Variants in RARB observed in about 807,000 individuals in gnomAD.
The protein encoded by RARB is HBV-activated protein.
RARB carries 17 observed loss-of-function variants against 51.9 expected under a neutral mutation model. The observed-to-expected ratio is 0.33, with a 90% CI of 0.22 to 0.49. RARB has a LOEUF of 0.49. Ranked by LOEUF, RARB falls within the 20% of genes least tolerant of loss-of-function variation. The probability of loss-of-function intolerance (pLI) is 0.99; values close to 1 mark genes in which losing one functional copy is unlikely to be tolerated. For synonymous variants in RARB, 215 were observed against 195.4 expected (o/e 1.10, Z -0.84); for missense variants, 369 against 550.8 (o/e 0.67, Z 3.30).
intron 3 of RARB, among the ~76,000 whole-genome samples, chr3:25,566,368 G>A (rs1700495404): frequency 6.6e-6 from 1 of 152,202 alleles, no homozygotes; most frequent in Non-Finnish European, 1.5e-5. Flanking sequence ...AGACAGTGGT[G>A]GTGGGACTTC....
intron 3 of RARB, among the ~76,000 whole-genome samples, chr3:25,062,005 TAAG>T (rs1193603223): frequency 3.3e-5 from 5 of 151,806 alleles, no homozygotes; most frequent in South Asian, 2.1e-4. Context: ...GTTTTCAACT[TAAG>T]AAAATAATAG....
At chr3:25,440,648 C>T (rs1016300494) in intron 1 of RARB, among the ~76,000 whole-genome samples, 1 of 151,888 alleles carries the variant, frequency 6.6e-6, no homozygotes, top group East Asian at 1.9e-4. Flanking sequence ...GTGCCCGCGC[C>T]TGTAGTCCCA....
Position 25,456,682 on chromosome 3 carries a change from TAGAGAGAGAGAG to T in RARB, c.158-4486_158-4475del, listed in dbSNP as rs201238732. On this transcript the variant is annotated intron_variant, in intron 1 of 7. Transcript: ENST00000330688. Reference sequence around the variant, plus strand: ...TTGAATATATATATATATATATATATAGAGAGAGAGAGAGAGAGAGAGAGAGAGAGAGAGAGT... The same window carrying T: ...TTGAATATATATATATATATATATATAGAGAGAGAGAGAGAGAGAGAGAGT... 5.8e-3 allele frequency among the ~76,000 whole-genome samples: 514 copies of T among 88,346 alleles called. 3 individuals are homozygous for T. Among genetic ancestry groups the T allele is most frequent in the East Asian group, 0.051 (138 of 2,688 alleles). 58.0% of individuals were successfully genotyped at this position (88,346 alleles called of 152,430 possible).
chr3:25,321,003 G>A (rs143522534), intron 5 of RARB, among the ~76,000 whole-genome samples: 237 of 152,228 alleles, frequency 1.6e-3, no homozygotes, highest in African/African-American at 5.6e-3. Flanking sequence ...TGAATTATAG[G>A]CCTATAAGTC....
chr3:24,865,626 T>C (rs1183615580), intron 2 of RARB, among the ~76,000 whole-genome samples: 1 of 152,184 alleles, frequency 6.6e-6, no homozygotes, highest in African/African-American at 2.4e-5. Context: ...CTTATATTTA[T>C]TATAACTTAA....
At chr3:25,422,801 T>G (rs1351484528) in intron 5 of RARB, among the ~76,000 whole-genome samples, 1 of 152,142 alleles carries the variant, frequency 6.6e-6, no homozygotes, top group East Asian at 1.9e-4. Flanking sequence ...AAGTAAAGTG[T>G]TAACAAAACC....
intron 2 of RARB, among the ~76,000 whole-genome samples, chr3:24,860,757 C>T (rs1702735199): frequency 6.6e-6 from 1 of 152,112 alleles, no homozygotes; most frequent in African/African-American, 2.4e-5. Flanking sequence ...GAAAGCATAA[C>T]TTGTGTCAGG....
At chr3:25,243,501 G>A (rs1702481722) in intron 5 of RARB, among the ~76,000 whole-genome samples, 2 of 152,110 alleles carry the variant, frequency 1.3e-5, no homozygotes. Flanking sequence ...CTAGTTTATT[G>A]AGTGTTTTTA....
chr3:25,037,976 A>G (rs1698032475), intron 2 of RARB, among the ~76,000 whole-genome samples: 1 of 152,200 alleles, frequency 6.6e-6, no homozygotes, highest in Non-Finnish European at 1.5e-5. Flanking sequence ...CCCCCTAGCC[A>G]TGATAAGTAA....
At chr3:25,203,365 C>T (rs564139608) in intron 5 of RARB, among the ~76,000 whole-genome samples, 1 of 152,122 alleles carries the variant, frequency 6.6e-6, no homozygotes, top group Non-Finnish European at 1.5e-5. Context: ...AGGACACTGA[C>T]AGGTCTTGAC....
chr3:24,833,034 A>G (rs556986285), intron 1 of RARB: 1 of 152,226 alleles, frequency 6.6e-6, no homozygotes, highest in South Asian at 2.1e-4. Context: ...GCACATGTTA[A>G]TCTCCACATG....
At chr3:24,950,420 T>G (rs1436077511) in intron 2 of RARB, among the ~76,000 whole-genome samples, 1 of 152,234 alleles carries the variant, frequency 6.6e-6, no homozygotes, top group African/African-American at 2.4e-5. Flanking sequence ...AATAATAATC[T>G]CCTGTTTACA....
chr3:25,290,807 T>A (rs1474112616), intron 5 of RARB, among the ~76,000 whole-genome samples: 1 of 152,196 alleles, frequency 6.6e-6, no homozygotes, highest in East Asian at 1.9e-4. Flanking sequence ...GCTCAGTCCT[T>A]GGCTTTTCCC....
intron 4 of RARB, among the ~76,000 whole-genome samples, chr3:25,157,412 G>GT (rs972117174): frequency 1.4e-3 from 205 of 145,944 alleles, no homozygotes; most frequent in African/African-American, 2.5e-3. Flanking sequence ...TGTTGTTTTT[G>GT]TTTTTTTTTG....
intron 5 of RARB, among the ~76,000 whole-genome samples, chr3:25,374,972 A>G (rs1329727484): frequency 6.6e-6 from 1 of 151,932 alleles, no homozygotes; most frequent in Non-Finnish European, 1.5e-5. Flanking sequence ...TCTGAAATCC[A>G]TTACCTTTTA....
intron 5 of RARB, among the ~76,000 whole-genome samples, chr3:25,365,278 C>T (rs1706082627): frequency 7.1e-6 from 1 of 141,448 alleles, no homozygotes; most frequent in Non-Finnish European, 1.5e-5. Context: ...TGTCACCATG[C>T]CCAGCTAATT....
intron 2 of RARB, among the ~76,000 whole-genome samples, chr3:25,463,947 T>C (rs1027979808): frequency 1.3e-5 from 2 of 152,188 alleles, no homozygotes; most frequent in African/African-American, 4.8e-5. Context: ...AGGAAGACAT[T>C]TGTTCATTCA....
At chr3:24,862,436 G>A (rs1333424716) in intron 2 of RARB, among the ~76,000 whole-genome samples, 1 of 152,066 alleles carries the variant, frequency 6.6e-6, no homozygotes, top group Non-Finnish European at 1.5e-5. Flanking sequence ...CACAGTTCTG[G>A]TTACCCATAG....
At chr3:25,243,102 C>G (rs546450669) in intron 5 of RARB, among the ~76,000 whole-genome samples, 1 of 152,124 alleles carries the variant, frequency 6.6e-6, no homozygotes, top group East Asian at 1.9e-4. Flanking sequence ...TGGTTTGGCT[C>G]CCTGTTTGTC....
Sources: allele counts gnomAD v4.1 joint callset (sites outside exome capture counted in the v4.1 genomes callset), GRCh38; gene constraint gnomAD v4.1.1; transcripts MANE v1.5; gene names NCBI Gene and HGNC (gene_info 2026-07-23, HGNC 2026-07-21).